GLP2R: variants seen among roughly 807,000 people sequenced by gnomAD.
The protein encoded by GLP2R is glucagon-like peptide 2 receptor.
GLP2R carries 59 observed loss-of-function variants against 68.2 expected under a neutral mutation model. The ratio of observed to expected loss-of-function variants is 0.87; its 90% CI spans 0.70 to 1.07. The LOEUF is 1.07. Ranked by LOEUF, GLP2R falls within the 50% of genes least tolerant of loss-of-function variation. GLP2R has a pLI of 0.00. For missense variants in GLP2R, 548 were observed against 677.4 expected (o/e 0.81, Z 2.12); for synonymous variants, 270 against 265.4 (o/e 1.02, Z -0.17).
At chr17:9,855,683 G>A (rs532278749) in intron 5 of GLP2R, among the ~76,000 whole-genome samples, 7 of 152,156 alleles carry the variant, frequency 4.6e-5, no homozygotes, top group Non-Finnish European at 8.8e-5. Flanking sequence ...TCTATTCCTG[G>A]GAGGTTAGCA....
At chr17:9,878,403 C>G (rs2067160563) in intron 10 of GLP2R, among the ~76,000 whole-genome samples, 1 of 152,218 alleles carries the variant, frequency 6.6e-6, no homozygotes, top group African/African-American at 2.4e-5. Flanking sequence ...ATGGTCACCA[C>G]TTTGTAACCT....
chr17:9,826,502 C>G (rs968268883), intron 1 of GLP2R, among the ~76,000 whole-genome samples: 4 of 152,042 alleles, frequency 2.6e-5, no homozygotes, highest in Non-Finnish European at 5.9e-5. Flanking sequence ...CATGTTGTGT[C>G]CTGGTCCCCC....
intron 4 of GLP2R, among the ~76,000 whole-genome samples, 198 bp downstream of exon 4, chr17:9,842,814 CA>C (rs903212050): frequency 6.6e-6 from 1 of 152,214 alleles, no homozygotes; most frequent in Admixed American, 6.5e-5. Flanking sequence ...GGCTGACATG[CA>C]AAATCCTAAG....
At chr17:9,877,694 G>A (rs184606249) in intron 10 of GLP2R, among the ~76,000 whole-genome samples, 16 of 152,034 alleles carry the variant, frequency 1.1e-4, no homozygotes, top group Admixed American at 7.2e-4. Context: ...TCGAGACCAC[G>A]GTGAAATCCC....
intron 5 of GLP2R, among the ~76,000 whole-genome samples, chr17:9,856,335 C>T (rs923151377): frequency 6.6e-6 from 1 of 152,204 alleles, no homozygotes; most frequent in South Asian, 2.1e-4. Flanking sequence ...GAGGCCCAGT[C>T]GCTGCCCTCA....
chr17:9,890,267 A>G lies in GLP2R; in HGVS notation c.*562A>G, dbSNP rs1482986628. Reference sequence around the variant, plus strand: ...ACACTGGGCAGGGTGAGAGGGAGCTAGAAGCGCCCCCATGTGGCCATGGCA... The same window carrying G: ...ACACTGGGCAGGGTGAGAGGGAGCTGGAAGCGCCCCCATGTGGCCATGGCA... On this transcript the variant is annotated 3_prime_UTR_variant, in exon 13 of 13. Coordinates refer to ENST00000262441, the MANE Select transcript of GLP2R (RefSeq NM_004246.3). 2.9e-6 allele frequency: 1 copy of G among 343,590 alleles called. No homozygotes were observed. The highest frequency in any genetic ancestry group is 5.7e-6 in the Non-Finnish European group (1 of 175,950). 21.3% of individuals were successfully genotyped at this position (343,590 alleles called of 1,614,324 possible).
intron 1 of GLP2R, among the ~76,000 whole-genome samples, chr17:9,829,882 T>C (rs2066665033): frequency 6.6e-6 from 1 of 152,270 alleles, no homozygotes; most frequent in East Asian, 1.9e-4. Flanking sequence ...AACAGATTTA[T>C]TTAAAGAGAG....
At chr17:9,851,139 G>C (rs572523204) in intron 4 of GLP2R, among the ~76,000 whole-genome samples, 1 of 152,100 alleles carries the variant, frequency 6.6e-6, no homozygotes, top group African/African-American at 2.4e-5. Context: ...AAACACACAC[G>C]TGTTTTAAAA....
rs771386837 is a variant in GLP2R at position 9,889,435 on chromosome 17, C to A, written c.1392C>A (p.Ala464=). The change falls in exon 13 of 13, where the codon GCC becomes GCA. Residue 464 remains alanine, a synonymous_variant. Coordinates refer to ENST00000262441, the MANE Select transcript of GLP2R (RefSeq NM_004246.3). ...TAGCCCGCCACTCAGGCTGCAGAGC[C>A]TGTGTCCTGGGGAAGGACTTCCGGT... ...FLLARHSGCR[A]CVLGKDFRFL... The A allele has an allele frequency of 1.2e-6, 2 of 1,614,158 alleles. No individual in the cohort carries two copies. Among genetic ancestry groups the A allele is most frequent in the South Asian group, 2.2e-5 (2 of 91,084 alleles).
rs1391942652 is a variant in GLP2R at position 9,891,951 on chromosome 17, A to G, written c.*2246A>G. 1 of 152,198 alleles carries G rather than the reference A, an allele frequency of 6.6e-6. No homozygotes were observed. The highest frequency in any genetic ancestry group is 6.5e-5 in the Admixed American group (1 of 15,278). 9.4% of individuals were successfully genotyped at this position (152,198 alleles called of 1,614,324 possible). On this transcript the variant is annotated 3_prime_UTR_variant, in exon 13 of 13. Coordinates refer to ENST00000262441, the MANE Select transcript of GLP2R (RefSeq NM_004246.3). Reference sequence around the variant, plus strand: ...CTCGGGAGCCTCGGATGCTGCTGGGAGTAAGTGATCCAGGACCTTACCGCT... The same window carrying G: ...CTCGGGAGCCTCGGATGCTGCTGGGGGTAAGTGATCCAGGACCTTACCGCT...
intron 10 of GLP2R, among the ~76,000 whole-genome samples, chr17:9,879,537 G>A (rs2152047777): frequency 6.6e-6 from 1 of 152,090 alleles, no homozygotes; most frequent in Non-Finnish European, 1.5e-5. Context: ...CTCCAGAGGT[G>A]TGGATTCAGG....
intron 4 of GLP2R, among the ~76,000 whole-genome samples, chr17:9,853,471 A>G (rs1391341097): frequency 2.0e-5 from 3 of 152,200 alleles, no homozygotes; most frequent in African/African-American, 7.2e-5. Flanking sequence ...TAAAAAAGGG[A>G]AAGAATTAAA....
At chr17:9,853,671 G>A (rs567007108) in intron 4 of GLP2R, among the ~76,000 whole-genome samples, 1 of 152,238 alleles carries the variant, frequency 6.6e-6, no homozygotes, top group African/African-American at 2.4e-5. Flanking sequence ...CACTAAAGAA[G>A]GAATGGATAA....
At position 9,829,784 on chromosome 17, in the gene GLP2R, AGAT is replaced by A. The variant is rs2066664035; in HGVS notation, c.189+3536_189+3538del. Among the ~76,000 whole-genome samples the A allele has an allele frequency of 2.0e-5, 3 of 152,368 alleles. No homozygotes were observed. In the South Asian group the frequency reaches 6.2e-4, roughly 32 times the overall value. ...AGTAGATGGTAATTTCTGAGTAATG[AGAT>A]GATAATTTCACCTTCTCCCCTTTTT... is the stretch of plus-strand genomic sequence containing the variant. On this transcript the variant is annotated intron_variant, in intron 1 of 12. Transcript: ENST00000262441.
rs1261900777 is a variant in GLP2R, at chr17:9,889,852, T to A, written c.*147T>A. ...TTTGATATGAAAGCTATCACAAGGT[T>A]CTTCAAGCTCTGTATGAAAGAGGCT... On this transcript the variant is annotated 3_prime_UTR_variant, in exon 13 of 13. Transcript: ENST00000262441. 1.6e-6 allele frequency: 1 copy of A among 626,526 alleles called. No homozygotes were observed. The highest frequency in any genetic ancestry group is 1.8e-5 in the African/African-American group (1 of 54,394). The allele number at this position is 626,526 out of a possible 1,614,324, so 38.8% of individuals were successfully genotyped here.
At chr17:9,859,673 G>A (rs915662136) in intron 6 of GLP2R, among the ~76,000 whole-genome samples, 6 of 149,164 alleles carry the variant, frequency 4.0e-5, no homozygotes, top group African/African-American at 1.5e-4. Context: ...ACAAAAATTA[G>A]CTAGGTGTGG....
intron 8 of GLP2R, 96 bp downstream of exon 8, chr17:9,861,295 T>G: frequency 1.2e-6 from 1 of 861,380 alleles, no homozygotes; most frequent in South Asian, 1.4e-5. Flanking sequence ...AGAAAATATC[T>G]ATCCCTTCTC....
chr17:9,833,781 G>A (rs1360685311), intron 1 of GLP2R, 26 bp from the exon 2 acceptor site: 3 of 1,441,054 alleles, frequency 2.1e-6, no homozygotes, highest in Admixed American at 3.5e-5. Flanking sequence ...TGGTCACTGG[G>A]GGTGACCATG....
intron 10 of GLP2R, among the ~76,000 whole-genome samples, chr17:9,873,749 T>C (rs1375678617): frequency 1.3e-5 from 2 of 152,048 alleles, no homozygotes; most frequent in African/African-American, 4.8e-5. Flanking sequence ...AGATGTTCTA[T>C]TGAAAGAACA....
Sources: allele counts gnomAD v4.1 joint callset (sites outside exome capture counted in the v4.1 genomes callset), GRCh38; gene constraint gnomAD v4.1.1; transcripts MANE v1.5; gene names NCBI Gene and HGNC (gene_info 2026-07-23, HGNC 2026-07-21).